Variants in THADA observed in about 807,000 individuals in gnomAD.
THADA encodes the protein tRNA (32-2'-O)-methyltransferase regulator THADA.
THADA carries 213 observed loss-of-function variants against 219.8 expected under a neutral mutation model. The ratio of observed to expected loss-of-function variants is 0.97; its 90% CI spans 0.87 to 1.09. THADA has a LOEUF of 1.09. Among genes scored for constraint, THADA ranks in the 50% least tolerant of loss-of-function variants. The pLI is 0.00. For synonymous variants in THADA, 1,018 were observed against 828.9 expected, an observed-to-expected ratio of 1.23 and a Z score of -3.92; for missense variants, 2,956 against 2,311.3, an observed-to-expected ratio of 1.28 and a Z score of -5.72.
At chr2:43,446,304 G>A (rs930178284) in intron 26 of THADA, among the ~76,000 whole-genome samples, 4 of 152,190 alleles carry the variant, frequency 2.6e-5, no homozygotes, top group Admixed American at 2.0e-4. Flanking sequence ...CTTCGAAGAA[G>A]TGGGTCTATT....
chr2:43,519,906 C>T (rs949192819), intron 22 of THADA, among the ~76,000 whole-genome samples: 19 of 152,262 alleles, frequency 1.2e-4, no homozygotes, highest in African/African-American at 4.3e-4. Flanking sequence ...TTCAATGAAC[C>T]TTCTGTCTGC....
chr2:43,282,950 G>C (rs1434094357), intron 35 of THADA, among the ~76,000 whole-genome samples: 1 of 152,184 alleles, frequency 6.6e-6, no homozygotes, highest in African/African-American at 2.4e-5. Context: ...ACGTCCCAAA[G>C]ATACTAATAT....
chr2:43,570,614 C>G (rs561179158), intron 13 of THADA, 104 bp from the exon 14 acceptor site: 1 of 1,217,646 alleles, frequency 8.2e-7, no homozygotes, highest in Non-Finnish European at 1.1e-6. Context: ...AAGAAGAGTA[C>G]AGATTTTTAA....
At position 43,556,549 on chromosome 2, in the gene THADA, C is replaced by T; in HGVS notation, c.2470G>A (p.Gly824Arg). The change falls in exon 17 of 38, where the codon GGG becomes AGG. Residue 824 changes from glycine to arginine, a missense_variant. Coordinates refer to ENST00000405975, the MANE Select transcript of THADA (RefSeq NM_022065.5). ...GCCTGAAATAAGCCTTGCAGTTTCC[C>T]CGAATCCTAGAATAAAGCGCAGACT... The part of the protein sequence containing the change: ...SKTAVHFQDS[G>R]KLQGLFQAAL... The T allele has an allele frequency of 6.2e-7, 1 of 1,613,256 alleles. No individual in the cohort carries two copies. Among genetic ancestry groups the T allele is most frequent in the Non-Finnish European group, 8.5e-7 (1 of 1,179,532 alleles).
At position 43,432,505 on chromosome 2, in the gene THADA, T is replaced by G. The variant is rs558424880; in HGVS notation, c.3837-2203A>C. On this transcript the variant is annotated intron_variant, in intron 26 of 37. Transcript: ENST00000405975. ...TATGAATAAAGCTGCTATAAAATTC[T>G]AATATAAGACTTTTTAAGGACACGT... is the stretch of plus-strand genomic sequence containing the variant. 5.3e-5 allele frequency among the ~76,000 whole-genome samples: 8 copies of G among 152,086 alleles called. No individual in the cohort carries two copies. The South Asian group carries it at 1.7e-3, about 32-fold the overall frequency.
chr2:43,342,367 G>T (rs546440803), intron 30 of THADA, among the ~76,000 whole-genome samples: 120 of 152,314 alleles, frequency 7.9e-4, no homozygotes, highest in Middle Eastern at 6.8e-3. Context: ...CACACATTGG[G>T]AAATCCACCG....
At chr2:43,574,113 T>C (rs986643717) in intron 11 of THADA, among the ~76,000 whole-genome samples, 1 of 152,234 alleles carries the variant, frequency 6.6e-6, no homozygotes, top group Non-Finnish European at 1.5e-5. Flanking sequence ...TTTATCATTT[T>C]AAGTGGAATT....
chr2:43,269,027 A>G (rs1671840058), intron 36 of THADA, among the ~76,000 whole-genome samples: 1 of 152,238 alleles, frequency 6.6e-6, no homozygotes, highest in South Asian at 2.1e-4. Context: ...CCTGCTCACC[A>G]CAGTGAAGAG....
intron 30 of THADA, among the ~76,000 whole-genome samples, chr2:43,342,044 C>G (rs557660493): frequency 2.6e-5 from 4 of 152,138 alleles, no homozygotes; most frequent in Non-Finnish European, 5.9e-5. Context: ...AACTCCTTCT[C>G]CACCAAAAAA....
At chr2:43,385,299 A>T (rs1182702563) in intron 29 of THADA, among the ~76,000 whole-genome samples, 1 of 152,106 alleles carries the variant, frequency 6.6e-6, no homozygotes, top group Non-Finnish European at 1.5e-5. Flanking sequence ...ATGACTATAC[A>T]TCCTGTAATC....
intron 31 of THADA, among the ~76,000 whole-genome samples, chr2:43,295,045 G>C (rs1351555705): frequency 2.0e-5 from 3 of 152,136 alleles, no homozygotes; most frequent in African/African-American, 7.2e-5. Flanking sequence ...GACTGCTTGA[G>C]CCCAGGAGTT....
At chr2:43,577,783 G>A (rs1559010691) in intron 9 of THADA, among the ~76,000 whole-genome samples, 1 of 151,936 alleles carries the variant, frequency 6.6e-6, no homozygotes, top group Non-Finnish European at 1.5e-5. Context: ...TATCTAGCAT[G>A]CTTCCTGTCT....
chr2:43,549,163 A>T (rs974220327), intron 20 of THADA, 47 bp downstream of exon 20: 8 of 1,441,026 alleles, frequency 5.6e-6, no homozygotes, highest in Non-Finnish European at 7.4e-6. Context: ...TGTACATTTT[A>T]CTGGTTACTT....
chr2:43,472,167 C>G (rs1015376681), intron 26 of THADA, among the ~76,000 whole-genome samples: 15 of 152,172 alleles, frequency 9.9e-5, no homozygotes, highest in African/African-American at 3.6e-4. Flanking sequence ...ATGGGACAGC[C>G]AACCAGTTTG....
At chr2:43,397,427 G>A (rs1674211779) in intron 29 of THADA, among the ~76,000 whole-genome samples, 1 of 152,066 alleles carries the variant, frequency 6.6e-6, no homozygotes, top group African/African-American at 2.4e-5. Context: ...TTTTCTAGAA[G>A]AAATGTTAGG....
At chr2:43,424,911 A>G (rs564388834) in intron 28 of THADA, among the ~76,000 whole-genome samples, 5 of 152,252 alleles carry the variant, frequency 3.3e-5, no homozygotes, top group Admixed American at 3.3e-4. Context: ...GAAAAGCAAA[A>G]TAAGGAACAG....
At chr2:43,284,061 C>T (rs540095529) in intron 35 of THADA, among the ~76,000 whole-genome samples, 70 of 152,304 alleles carry the variant, frequency 4.6e-4, no homozygotes, top group African/African-American at 1.7e-3. Context: ...CACCTGTAAT[C>T]CCAGCTACTG....
intron 26 of THADA, among the ~76,000 whole-genome samples, chr2:43,453,317 G>A (rs1168823284): frequency 1.3e-5 from 2 of 152,206 alleles, no homozygotes; most frequent in African/African-American, 2.4e-5. Flanking sequence ...TCTTCCTTCT[G>A]AAGAACTGCC....
chr2:43,330,897 G>C (rs1242632208), intron 30 of THADA, among the ~76,000 whole-genome samples: 1 of 152,182 alleles, frequency 6.6e-6, no homozygotes, highest in East Asian at 1.9e-4. Context: ...TCCCTAATTT[G>C]AGCCATCTTC....
Sources: allele counts gnomAD v4.1 joint callset (sites outside exome capture counted in the v4.1 genomes callset), GRCh38; gene constraint gnomAD v4.1.1; transcripts MANE v1.5; gene names NCBI Gene and HGNC (gene_info 2026-07-23, HGNC 2026-07-21).